KCNIP4: variants seen among roughly 807,000 people sequenced by gnomAD.
KCNIP4 encodes the protein potassium voltage-gated channel interacting protein 4.
Under a neutral mutation model 34.0 loss-of-function variants are expected in KCNIP4, and 12 were observed. The observed-to-expected ratio is 0.35, with a 90% CI of 0.23 to 0.57. The LOEUF is 0.57. KCNIP4 is among the 20% of genes least tolerant of loss of function. The pLI is 0.83. For synonymous variants in KCNIP4, 124 were observed against 102.2 expected (o/e 1.21, Z -1.29); for missense variants, 238 against 311.7 (o/e 0.76, Z 1.78).
chr4:21,549,876 G>A (rs1317161864), intron 1 of KCNIP4, among the ~76,000 whole-genome samples: 1 of 152,050 alleles, frequency 6.6e-6, no homozygotes, highest in Non-Finnish European at 1.5e-5. Flanking sequence ...CTGCTCACAT[G>A]TTAAATCTGG....
chr4:21,246,655 G>C (rs766196061), intron 1 of KCNIP4, among the ~76,000 whole-genome samples: 14 of 152,082 alleles, frequency 9.2e-5, no homozygotes, highest in Non-Finnish European at 2.1e-4. Flanking sequence ...GAGATTGGAA[G>C]GGTTAAACAT....
intron 1 of KCNIP4, among the ~76,000 whole-genome samples, chr4:21,178,648 TA>T (rs11334746): frequency 0.65 from 97,567 of 150,436 alleles, 32,722 homozygotes; most frequent in African/African-American, 0.77. Context: ...TTACTTCACT[TA>T]ACTTCTCCCT....
intron 1 of KCNIP4, among the ~76,000 whole-genome samples, chr4:21,259,477 A>C (rs543432877): frequency 6.6e-6 from 1 of 152,238 alleles, no homozygotes; most frequent in South Asian, 2.1e-4. Context: ...GGCCATCTCA[A>C]GTTTTTACAC....
intron 1 of KCNIP4, among the ~76,000 whole-genome samples, chr4:21,743,174 C>A (rs985607029): frequency 6.6e-6 from 1 of 152,080 alleles, no homozygotes; most frequent in Non-Finnish European, 1.5e-5. Context: ...CTTATTTTCT[C>A]ACAGGTCTGG....
intron 1 of KCNIP4, among the ~76,000 whole-genome samples, chr4:21,330,197 C>T (rs1403137393): frequency 6.6e-6 from 1 of 152,128 alleles, no homozygotes; most frequent in Non-Finnish European, 1.5e-5. Context: ...GCAGCAGAGG[C>T]ATCACGAAAT....
At chr4:20,957,470 C>T (rs1401988761) in intron 1 of KCNIP4, among the ~76,000 whole-genome samples, 1 of 152,048 alleles carries the variant, frequency 6.6e-6, no homozygotes, top group Non-Finnish European at 1.5e-5. Context: ...TGTTAAGTAG[C>T]TGATCAGGAA....
chr4:21,284,721 C>T (rs779582817), intron 1 of KCNIP4, among the ~76,000 whole-genome samples: 3 of 144,400 alleles, frequency 2.1e-5, no homozygotes, highest in Non-Finnish European at 3.0e-5. Context: ...TGTTACTGCG[C>T]ATGTGGGTGC....
chr4:21,033,596 G>A lies in KCNIP4; in HGVS notation c.62-150887C>T, dbSNP rs142284319. On this transcript the variant is annotated intron_variant, in intron 1 of 8. Transcript: ENST00000382152. ...AGAGGAGACAGTGAAAACCATGAAA[G>A]TATGAACATGGAATTCAGAAAAGGT... 5.5e-4 allele frequency among the ~76,000 whole-genome samples: 83 copies of A among 152,242 alleles called. No homozygotes were observed. The East Asian group carries it at 0.016, about 29-fold the overall frequency.
intron 1 of KCNIP4, among the ~76,000 whole-genome samples, chr4:21,118,082 T>TTG (rs144008081): frequency 2.0e-5 from 3 of 151,954 alleles, no homozygotes; most frequent in Non-Finnish European, 4.4e-5. Flanking sequence ...AATATTTAAC[T>TTG]TGTGTGTGTG....
chr4:21,122,225 C>T (rs1353963765), intron 1 of KCNIP4, among the ~76,000 whole-genome samples: 1 of 147,130 alleles, frequency 6.8e-6, no homozygotes, highest in Non-Finnish European at 1.5e-5. Flanking sequence ...TATTTTCCCC[C>T]AGGTACTCAG....
At chr4:21,307,796 A>G (rs1221182317) in intron 1 of KCNIP4, among the ~76,000 whole-genome samples, 1 of 152,142 alleles carries the variant, frequency 6.6e-6, no homozygotes, top group Non-Finnish European at 1.5e-5. Context: ...GCTTCTTTTT[A>G]AGGTGAGCCA....
intron 1 of KCNIP4, among the ~76,000 whole-genome samples, chr4:21,292,722 G>A (rs193124104): frequency 3.9e-5 from 6 of 152,200 alleles, no homozygotes; most frequent in African/African-American, 1.4e-4. Context: ...TAAGAAGAAA[G>A]CAGTTGGACA....
At chr4:21,567,922 C>T (rs16871465) in intron 1 of KCNIP4, among the ~76,000 whole-genome samples, 83,653 of 151,952 alleles carry the variant, frequency 0.55, 23,178 homozygotes, top group African/African-American at 0.59. Flanking sequence ...CCAAACAGTT[C>T]ACAACGCAGA....
chr4:20,955,470 C>T (rs1733203242), intron 1 of KCNIP4, among the ~76,000 whole-genome samples: 1 of 152,096 alleles, frequency 6.6e-6, no homozygotes. Flanking sequence ...GTGTGGTTCC[C>T]TCATGCCCTC....
intron 1 of KCNIP4, among the ~76,000 whole-genome samples, chr4:21,103,435 T>C (rs1448040952): frequency 5.4e-5 from 8 of 148,178 alleles, no homozygotes; most frequent in Non-Finnish European, 1.2e-4. Context: ...TTATCATTAG[T>C]TGATGGTTGA....
At chr4:21,224,672 C>G (rs1758241420) in intron 1 of KCNIP4, among the ~76,000 whole-genome samples, 2 of 149,088 alleles carry the variant, frequency 1.3e-5, no homozygotes, top group Admixed American at 1.3e-4. Context: ...CTGCAGCCTC[C>G]ACCTCCTGGG....
rs374061843 is a variant in KCNIP4 at position 20,856,240 on chromosome 4, C to T, written c.164-5573G>A. ...AAATAGATAATATCGAATAGAAAGC[C>T]TGTGCTTTCTTGAACAATGTCTGAT... On this transcript the variant is annotated intron_variant, in intron 2 of 8. Coordinates refer to ENST00000382152, the MANE Select transcript of KCNIP4 (RefSeq NM_025221.6). Among the ~76,000 whole-genome samples, 15 of 152,306 alleles carry T rather than the reference C, an allele frequency of 9.8e-5. No homozygotes were observed. The South Asian group carries it at 3.1e-3, about 32-fold the overall frequency.
chr4:21,802,325 T>C (rs990332932), intron 1 of KCNIP4, among the ~76,000 whole-genome samples: 11 of 152,186 alleles, frequency 7.2e-5, no homozygotes, highest in Admixed American at 2.0e-4. Flanking sequence ...CTGAAAACCT[T>C]AGGCCTGTAG....
chr4:21,711,513 A>C (rs1051903160), intron 1 of KCNIP4, among the ~76,000 whole-genome samples: 1 of 152,174 alleles, frequency 6.6e-6, no homozygotes, highest in East Asian at 1.9e-4. Context: ...AGGAAACAGC[A>C]ACAAAATGGA....
Sources: allele counts gnomAD v4.1 joint callset (sites outside exome capture counted in the v4.1 genomes callset), GRCh38; gene constraint gnomAD v4.1.1; transcripts MANE v1.5; gene names NCBI Gene and HGNC (gene_info 2026-07-23, HGNC 2026-07-21).